Variants in TBC1D32 observed in about 807,000 individuals in gnomAD.
TBC1D32 encodes the protein protein broad-minded.
Under a neutral mutation model 170.3 loss-of-function variants are expected in TBC1D32, and 151 were observed. That is an observed-to-expected ratio of 0.89 (90% CI 0.78 to 1.01). The LOEUF (loss-of-function observed/expected upper bound fraction) is 1.01, where lower values mean the gene tolerates loss of function less well. Among genes scored for constraint, TBC1D32 ranks in the 50% least tolerant of loss-of-function variants. The pLI is 0.00. For synonymous variants in TBC1D32, 498 were observed against 488.0 expected (o/e 1.02, Z -0.27); for missense variants, 1,464 against 1,457.1 (o/e 1.00, Z -0.08).
At chr6:121,307,309 G>A in intron 5 of TBC1D32, among the ~76,000 whole-genome samples, 1 of 152,144 alleles carries the variant, frequency 6.6e-6, no homozygotes, top group East Asian at 1.9e-4. Context: ...TTGGGAGGTT[G>A]AGGCTGAAGT....
intron 22 of TBC1D32, among the ~76,000 whole-genome samples, chr6:121,177,593 G>T (rs1274940038): frequency 2.0e-5 from 3 of 152,078 alleles, no homozygotes; most frequent in African/African-American, 7.2e-5. Flanking sequence ...GTGACAGCAG[G>T]CAACCATAGA....
intron 22 of TBC1D32, among the ~76,000 whole-genome samples, chr6:121,191,286 C>T (rs774360548): frequency 1.3e-5 from 2 of 152,162 alleles, no homozygotes; most frequent in Non-Finnish European, 2.9e-5. Flanking sequence ...CTGATTGGCA[C>T]ACACAAAAGT....
chr6:121,155,932 A>C (rs535580114), intron 24 of TBC1D32, among the ~76,000 whole-genome samples: 1 of 151,774 alleles, frequency 6.6e-6, no homozygotes, highest in Admixed American at 6.6e-5. Flanking sequence ...TTTTGCTGAA[A>C]TTTTTTTTGC....
chr6:121,228,727 C>G (rs1033782466), intron 20 of TBC1D32, among the ~76,000 whole-genome samples: 1 of 152,034 alleles, frequency 6.6e-6, no homozygotes, highest in African/African-American at 2.4e-5. Flanking sequence ...TCTGTAGTCA[C>G]CGAGTATAAT....
At chr6:121,262,678 T>A (rs1206582853) in intron 15 of TBC1D32, among the ~76,000 whole-genome samples, 4 of 152,074 alleles carry the variant, frequency 2.6e-5, no homozygotes, top group Non-Finnish European at 5.9e-5. Flanking sequence ...AGTTTCGCCA[T>A]GTTGGCCAGG....
At chr6:121,253,508 G>C (rs750147744) in intron 17 of TBC1D32, among the ~76,000 whole-genome samples, 8 of 152,168 alleles carry the variant, frequency 5.3e-5, no homozygotes, top group Non-Finnish European at 1.0e-4. Context: ...CACGAGGTCA[G>C]AAGATCAAGA....
chr6:121,169,069 T>G (rs994546031), intron 22 of TBC1D32, among the ~76,000 whole-genome samples: 2 of 152,124 alleles, frequency 1.3e-5, no homozygotes, highest in Non-Finnish European at 2.9e-5. Context: ...AAAAAAATAT[T>G]TTAAAATTCA....
chr6:121,114,379 T>C (rs1308751491), intron 27 of TBC1D32, among the ~76,000 whole-genome samples: 1 of 152,190 alleles, frequency 6.6e-6, no homozygotes, highest in African/African-American at 2.4e-5. Context: ...AGTTAAAAAA[T>C]AGGTGACTAG....
At chr6:121,175,158 T>C (rs778708484) in intron 22 of TBC1D32, among the ~76,000 whole-genome samples, 5 of 152,132 alleles carry the variant, frequency 3.3e-5, no homozygotes, top group Non-Finnish European at 7.4e-5. Flanking sequence ...TCAACCCAGA[T>C]ATATAAGGCT....
At chr6:121,118,880 G>A (rs1331515599) in intron 26 of TBC1D32, among the ~76,000 whole-genome samples, 1 of 152,104 alleles carries the variant, frequency 6.6e-6, no homozygotes, top group African/African-American at 2.4e-5. Flanking sequence ...CTTGTGACCA[G>A]TCTACTGTAC....
At chr6:121,252,267 T>C (rs148591484) in intron 17 of TBC1D32, among the ~76,000 whole-genome samples, 5 of 152,308 alleles carry the variant, frequency 3.3e-5, no homozygotes, top group African/African-American at 1.2e-4. Flanking sequence ...TAAAGACACA[T>C]GCACACATAT....
intron 24 of TBC1D32, 42 bp from the exon 25 acceptor site, chr6:121,131,794 G>C: frequency 9.6e-6 from 14 of 1,465,498 alleles, no homozygotes; most frequent in Non-Finnish European, 1.3e-5. Context: ...AGACATGCTA[G>C]ATATACTGAA....
intron 15 of TBC1D32, among the ~76,000 whole-genome samples, chr6:121,269,576 T>C (rs900177403): frequency 3.3e-5 from 5 of 152,064 alleles, no homozygotes; most frequent in African/African-American, 1.2e-4. Context: ...CCGAAACATA[T>C]ATGTACCCAA....
At chr6:121,293,203 G>A (rs1805130188) in intron 11 of TBC1D32, among the ~76,000 whole-genome samples, 1 of 150,126 alleles carries the variant, frequency 6.7e-6, no homozygotes, top group Non-Finnish European at 1.5e-5. Context: ...AACCATGAAG[G>A]ACTAAGAAAG....
At chr6:121,118,765 C>T (rs1779945039) in intron 26 of TBC1D32, among the ~76,000 whole-genome samples, 1 of 152,152 alleles carries the variant, frequency 6.6e-6, no homozygotes, top group Non-Finnish European at 1.5e-5. Context: ...TTCTTCCTCC[C>T]TGCTTCCTTT....
intron 10 of TBC1D32, among the ~76,000 whole-genome samples, chr6:121,298,012 A>C (rs1237576823): frequency 6.6e-6 from 1 of 152,106 alleles, no homozygotes; most frequent in African/African-American, 2.4e-5. Flanking sequence ...AAATGGATGG[A>C]GTGGTCTGCA....
At chr6:121,107,287 A>G (rs999833654) in intron 29 of TBC1D32, among the ~76,000 whole-genome samples, 7 of 151,868 alleles carry the variant, frequency 4.6e-5, no homozygotes, top group African/African-American at 1.7e-4. Context: ...TTATACACTA[A>G]AGTTTCTGAA....
intron 30 of TBC1D32, among the ~76,000 whole-genome samples, chr6:121,100,912 C>T (rs902047730): frequency 4.6e-5 from 7 of 151,908 alleles, no homozygotes; most frequent in African/African-American, 1.5e-4. Context: ...GATATCAACA[C>T]CGATCCCACA....
intron 15 of TBC1D32, among the ~76,000 whole-genome samples, chr6:121,277,438 A>C (rs1802360873): frequency 7.2e-6 from 1 of 138,796 alleles, no homozygotes; most frequent in South Asian, 2.6e-4. Context: ...CAGTGAGCCA[A>C]GATTGTGCTA....
Sources: gnomAD v4.1 joint callset for allele counts (sites outside exome capture counted in the v4.1 genomes callset) on GRCh38, gnomAD v4.1.1 for gene constraint, MANE v1.5 for transcripts, NCBI Gene and HGNC (gene_info 2026-07-23, HGNC 2026-07-21) for gene names.